Variants in ACOXL observed in about 807,000 individuals in gnomAD.
ACOXL encodes the protein acyl-CoA oxidase like.
Under a neutral mutation model 71.9 loss-of-function variants are expected in ACOXL, and 70 were observed. The ratio of observed to expected loss-of-function variants is 0.97; its 90% CI spans 0.80 to 1.19. The LOEUF is 1.19. Among genes scored for constraint, ACOXL ranks in the 50% most tolerant of loss-of-function variants. The probability of loss-of-function intolerance (pLI) is 0.00; values close to 1 mark genes in which losing one functional copy is unlikely to be tolerated. For synonymous variants in ACOXL, 253 were observed against 281.6 expected (o/e 0.90, Z 1.02); for missense variants, 703 against 736.3 (o/e 0.95, Z 0.52).
intron 1 of ACOXL, among the ~76,000 whole-genome samples, chr2:110,767,773 A>T (rs1027139990): frequency 2.6e-5 from 4 of 152,172 alleles, no homozygotes; most frequent in African/African-American, 9.7e-5. Context: ...GCAGAGCAGG[A>T]GGTGTTGCAG....
At chr2:110,775,216 T>A (rs1025877701) in intron 2 of ACOXL, among the ~76,000 whole-genome samples, 1 of 152,136 alleles carries the variant, frequency 6.6e-6, no homozygotes, top group Non-Finnish European at 1.5e-5. Flanking sequence ...AATAAAAAAT[T>A]CAAAGAAAGC....
At chr2:110,830,482 G>A (rs906671453) in intron 9 of ACOXL, among the ~76,000 whole-genome samples, 9 of 150,780 alleles carry the variant, frequency 6.0e-5, no homozygotes, top group East Asian at 3.9e-4. Flanking sequence ...CTTCATCTTC[G>A]CTTGTATTCT....
At chr2:110,958,049 CAAAAA>C (rs35899146) in intron 12 of ACOXL, among the ~76,000 whole-genome samples, 1 of 96,142 alleles carries the variant, frequency 1.0e-5, no homozygotes. Context: ...GACTCCGTCT[CAAAAA>C]AAAAAAAAAA....
At chr2:110,920,518 T>G (rs1278086893) in intron 11 of ACOXL, among the ~76,000 whole-genome samples, 1 of 152,164 alleles carries the variant, frequency 6.6e-6, no homozygotes, top group Non-Finnish European at 1.5e-5. Flanking sequence ...TTCTCCAAGT[T>G]TGTCACTTTT....
chr2:111,052,451 C>T (rs60664179), intron 16 of ACOXL, among the ~76,000 whole-genome samples: 15,450 of 151,910 alleles, frequency 0.1, 1,780 homozygotes, highest in African/African-American at 0.28. Context: ...TTCTCTGTGA[C>T]TCAGTTTCCC....
At position 110,918,855 on chromosome 2, in the gene ACOXL, A is replaced by G. The variant is rs192558505; in HGVS notation, c.905+9950A>G. Among the ~76,000 whole-genome samples, 18 of 152,354 alleles carry G rather than the reference A, an allele frequency of 1.2e-4. No individual in the cohort carries two copies. The East Asian group carries it at 2.7e-3, about 23-fold the overall frequency. ...ATGCAAATCAAAACCACAATGAGATACCATCTCACGCCAGTTAGAATGGTG... is the reference window on the plus strand; with the variant it reads ...ATGCAAATCAAAACCACAATGAGATGCCATCTCACGCCAGTTAGAATGGTG... On this transcript the variant is annotated intron_variant, in intron 11 of 17. Transcript: ENST00000439055.
At position 110,942,923 on chromosome 2, in the gene ACOXL, GAGAA is replaced by G. The variant is rs199926608; in HGVS notation, c.1059+9294_1059+9297del. Among the ~76,000 whole-genome samples, 1,068 of 125,606 alleles carry G rather than the reference GAGAA, an allele frequency of 8.5e-3. 7 individuals are homozygous for G. Among genetic ancestry groups the G allele is most frequent in the Middle Eastern group, 0.04 (10 of 248 alleles). The allele number at this position is 125,606 out of a possible 152,430, so 82.4% of individuals were successfully genotyped here. A position where few individuals can be genotyped will look rare whatever the true frequency, so the allele number is the denominator to read the frequency against. On this transcript the variant is annotated intron_variant, in intron 12 of 17. Transcript: ENST00000439055. ...GAAGGAAGGGAGGGAGGGAAAGAAAGAGAAAGAAAGAAAGAAGAAAGAAAGAAAG... is the reference window on the plus strand; with the variant it reads ...GAAGGAAGGGAGGGAGGGAAAGAAAGAGAAAGAAAGAAGAAAGAAAGAAAG...
intron 9 of ACOXL, among the ~76,000 whole-genome samples, chr2:110,808,940 T>C (rs1006257809): frequency 1.3e-5 from 2 of 152,206 alleles, no homozygotes; most frequent in Non-Finnish European, 2.9e-5. Flanking sequence ...CACACAGGGC[T>C]GGGCACATAG....
chr2:110,908,283 A>G (rs1447493283), intron 10 of ACOXL, among the ~76,000 whole-genome samples: 3 of 152,202 alleles, frequency 2.0e-5, no homozygotes, highest in African/African-American at 7.2e-5. Flanking sequence ...GGATATGGAG[A>G]ACACCTTTTC....
chr2:110,863,484 A>T (rs993494634), intron 10 of ACOXL, among the ~76,000 whole-genome samples: 1 of 152,170 alleles, frequency 6.6e-6, no homozygotes, highest in Non-Finnish European at 1.5e-5. Flanking sequence ...ATTTTACTCC[A>T]GGGTTTTCTC....
chr2:110,885,488 A>T (rs10186627), intron 10 of ACOXL, among the ~76,000 whole-genome samples: 47,929 of 151,454 alleles, frequency 0.32, 7,800 homozygotes, highest in Middle Eastern at 0.39. Context: ...TATTATTATT[A>T]TTTTTTTACA....
At chr2:110,982,836 G>T (rs1203838000) in intron 12 of ACOXL, among the ~76,000 whole-genome samples, 2 of 152,208 alleles carry the variant, frequency 1.3e-5, no homozygotes, top group Non-Finnish European at 1.5e-5. Flanking sequence ...GCTTCATGGG[G>T]TGAGATTTGT....
At chr2:111,040,781 T>G (rs1412462942) in intron 15 of ACOXL, among the ~76,000 whole-genome samples, 1 of 152,058 alleles carries the variant, frequency 6.6e-6, no homozygotes. Flanking sequence ...GAGGGAGGCA[T>G]GAAGTGCGTG....
At chr2:110,916,952 A>T (rs907635880) in intron 11 of ACOXL, among the ~76,000 whole-genome samples, 1 of 152,218 alleles carries the variant, frequency 6.6e-6, no homozygotes, top group African/African-American at 2.4e-5. Context: ...GACCAGACAG[A>T]TTCACAGCCA....
chr2:111,110,145 A>G (rs1366559402), intron 17 of ACOXL, among the ~76,000 whole-genome samples: 1 of 152,114 alleles, frequency 6.6e-6, no homozygotes, highest in East Asian at 1.9e-4. Flanking sequence ...ATTGTACTTC[A>G]AACATTGTCT....
chr2:110,918,258 A>T (rs12474172), intron 11 of ACOXL, among the ~76,000 whole-genome samples: 2,045 of 152,294 alleles, frequency 0.013, 141 homozygotes, highest in Admixed American at 0.099. Context: ...AACACCACAC[A>T]TCTACAGTCA....
At chr2:110,893,384 AAAG>A (rs2058871329) in intron 10 of ACOXL, among the ~76,000 whole-genome samples, 1 of 152,168 alleles carries the variant, frequency 6.6e-6, no homozygotes, top group African/African-American at 2.4e-5. Context: ...ATAATCAAAA[AAAG>A]GCAAATTAAA....
intron 2 of ACOXL, among the ~76,000 whole-genome samples, chr2:110,770,663 C>T (rs186954071): frequency 3.2e-3 from 486 of 152,214 alleles, no homozygotes; most frequent in Non-Finnish European, 5.8e-3. Flanking sequence ...GTGAATACAA[C>T]CAAAAAAGAA....
At chr2:110,849,628 C>G (rs780360957) in intron 10 of ACOXL, among the ~76,000 whole-genome samples, 2 of 152,056 alleles carry the variant, frequency 1.3e-5, no homozygotes, top group African/African-American at 2.4e-5. Flanking sequence ...CGTGGTGGCA[C>G]GTGCTTGTAA....
Sources: allele counts gnomAD v4.1 joint callset (sites outside exome capture counted in the v4.1 genomes callset), GRCh38; gene constraint gnomAD v4.1.1; transcripts MANE v1.5; gene names NCBI Gene and HGNC (gene_info 2026-07-23, HGNC 2026-07-21).